The following DOCK10 variants were observed in gnomAD, a reference collection of about 807,000 sequenced individuals.
DOCK10 encodes the protein dedicator of cytokinesis 10, also known as dedicator of cytokinesis protein 10.
In DOCK10, 145 loss-of-function variants were observed where a neutral mutation model predicts 280.1. The observed-to-expected ratio is 0.52, with a 90% CI of 0.45 to 0.59. The LOEUF (loss-of-function observed/expected upper bound fraction) is 0.59, where lower values mean the gene tolerates loss of function less well. Among genes scored for constraint, DOCK10 ranks in the 20% least tolerant of loss-of-function variants. The pLI is 0.00. For missense variants in DOCK10, 2,368 were observed against 2,651.7 expected (o/e 0.89, Z 2.35); for synonymous variants, 915 against 942.2 (o/e 0.97, Z 0.53).
chr2:224,830,594 C>T lies in DOCK10; in HGVS notation c.2983G>A (p.Ala995Thr). 6.5e-7 allele frequency: 1 copy of T among 1,528,380 alleles called. No individual in the cohort carries two copies. Among genetic ancestry groups the T allele is most frequent in the Non-Finnish European group, 8.8e-7 (1 of 1,130,632 alleles). 94.7% of individuals were successfully genotyped at this position (1,528,380 alleles called of 1,614,324 possible). A position where few individuals can be genotyped will look rare whatever the true frequency, so the allele number is the denominator to read the frequency against. ...HVLKHSWFFF[A>T]IILKSMAQHL... ...TGTGCCATCGATTTTAGGATAATTG[C>T]AAAGAAGAACCAGGAATGCTGTTGG... Residue 995 changes from alanine to threonine, a missense_variant, in exon 27 of 56, where the codon GCA becomes ACA. Transcript: ENST00000258390.
rs774888257 is a variant in DOCK10, at chr2:224,874,717, C to G, written c.966G>C (p.Thr322=). The change falls in exon 9 of 56, where the codon ACG becomes ACC. Residue 322 remains threonine, a synonymous_variant. Coordinates refer to ENST00000258390, the MANE Select transcript of DOCK10 (RefSeq NM_014689.3). ...SLDNSVTCEC[T]PEETDSSENN... Reference sequence around the variant, plus strand: ...TCTCTGAAGAATCTGTTTCCTCTGGCGTGCATTCACAAGTTACAGAATTAT... The same window carrying G: ...TCTCTGAAGAATCTGTTTCCTCTGGGGTGCATTCACAAGTTACAGAATTAT... 1.2e-6 allele frequency: 2 copies of G among 1,613,906 alleles called. No homozygotes were observed. Among genetic ancestry groups the G allele is most frequent in the South Asian group, 1.1e-5 (1 of 91,084 alleles).
chr2:224,811,039 A>G (rs1367261896), intron 31 of DOCK10, among the ~76,000 whole-genome samples: 1 of 152,142 alleles, frequency 6.6e-6, no homozygotes, highest in African/African-American at 2.4e-5. Context: ...TTCTAGTTCG[A>G]GATCCCTGAG....
At chr2:224,929,528 C>T (rs907839182) in intron 2 of DOCK10, among the ~76,000 whole-genome samples, 3 of 152,070 alleles carry the variant, frequency 2.0e-5, no homozygotes, top group East Asian at 1.9e-4. Flanking sequence ...GACCACATCT[C>T]GAAGCAGGCA....
intron 1 of DOCK10, among the ~76,000 whole-genome samples, chr2:225,039,628 TC>T (rs1312258905): frequency 6.6e-6 from 1 of 152,180 alleles, no homozygotes; most frequent in African/African-American, 2.4e-5. Flanking sequence ...TTACCCTCAC[TC>T]AGCATCTCCT....
chr2:225,035,567 TATATA>T lies in DOCK10; in HGVS notation c.123+6680_123+6684del, dbSNP rs1460560701. Among the ~76,000 whole-genome samples, 56 of 53,692 alleles carry T rather than the reference TATATA, an allele frequency of 1.0e-3. 5 individuals carry two copies. Among genetic ancestry groups the T allele is most frequent in the East Asian group, 2.4e-3 (4 of 1,638 alleles). The allele number at this position is 53,692 out of a possible 152,430, so 35.2% of individuals were successfully genotyped here. Reference sequence around the variant, plus strand: ...TTATATATATATATATATATATATATATATATATATATATATATATAACACTGAAT... The same window carrying T: ...TTATATATATATATATATATATATATTATATATATATATATAACACTGAAT... On this transcript the variant is annotated intron_variant, in intron 1 of 55. Coordinates refer to ENST00000258390, the MANE Select transcript of DOCK10 (RefSeq NM_014689.3).
chr2:224,822,439 T>TA (rs950080742), intron 28 of DOCK10, among the ~76,000 whole-genome samples: 1 of 152,120 alleles, frequency 6.6e-6, no homozygotes, highest in Non-Finnish European at 1.5e-5. Flanking sequence ...TTCCATAATG[T>TA]AAAAAACAGC....
At chr2:225,017,705 C>CAAAAAAAAAAAAAAAAA (rs61170287) in intron 1 of DOCK10, among the ~76,000 whole-genome samples, 1 of 126,762 alleles carries the variant, frequency 7.9e-6, no homozygotes. Context: ...CCTACTGTTC[C>CAAAAAAAAAAAAAAAAA]AAAAAAAAAA....
intron 39 of DOCK10, among the ~76,000 whole-genome samples, chr2:224,802,305 A>G (rs1469688317): frequency 1.3e-5 from 2 of 152,170 alleles, no homozygotes; most frequent in African/African-American, 4.8e-5. Flanking sequence ...ATTCAAGCAT[A>G]TCATTATTAT....
chr2:224,795,683 A>G (rs1183403976), intron 44 of DOCK10, among the ~76,000 whole-genome samples: 1 of 152,240 alleles, frequency 6.6e-6, no homozygotes, highest in Non-Finnish European at 1.5e-5. Context: ...ACAGTGAGAG[A>G]GGCAAGATCG....
intron 51 of DOCK10, among the ~76,000 whole-genome samples, chr2:224,776,957 T>C (rs1447393564): frequency 2.0e-5 from 3 of 152,222 alleles, no homozygotes; most frequent in South Asian, 2.1e-4. Context: ...GGTGACACTT[T>C]ATTGTAATCT....
At chr2:224,936,003 T>C (rs1702669178) in intron 1 of DOCK10, among the ~76,000 whole-genome samples, 1 of 152,116 alleles carries the variant, frequency 6.6e-6, no homozygotes, top group African/African-American at 2.4e-5. Context: ...GGGAGAAAGG[T>C]AGGCTAGTGG....
chr2:224,949,325 G>A (rs1703603022), intron 1 of DOCK10, among the ~76,000 whole-genome samples: 1 of 152,176 alleles, frequency 6.6e-6, no homozygotes, highest in Non-Finnish European at 1.5e-5. Context: ...GTAATAAGGA[G>A]CAATCAGAGA....
chr2:225,034,250 C>A (rs546281883), intron 1 of DOCK10, among the ~76,000 whole-genome samples: 2 of 152,286 alleles, frequency 1.3e-5, no homozygotes, highest in African/African-American at 4.8e-5. Context: ...GCTGTGGAGT[C>A]AGACTATGTG....
chr2:224,820,968 C>T (rs887965853), intron 28 of DOCK10, among the ~76,000 whole-genome samples: 10 of 152,152 alleles, frequency 6.6e-5, no homozygotes, highest in Non-Finnish European at 2.9e-5. Context: ...TGGTATTGTG[C>T]TTCATAAAAA....
intron 1 of DOCK10, among the ~76,000 whole-genome samples, chr2:224,956,954 G>A (rs1301147015): frequency 1.3e-5 from 2 of 152,178 alleles, no homozygotes; most frequent in Non-Finnish European, 2.9e-5. Flanking sequence ...CACTGGCCAC[G>A]GCTGTGCTTG....
chr2:224,806,885 A>G (rs1458688824), intron 33 of DOCK10, among the ~76,000 whole-genome samples: 1 of 152,136 alleles, frequency 6.6e-6, no homozygotes, highest in African/African-American at 2.4e-5. Flanking sequence ...TGATGGGATT[A>G]GAGATGTGAG....
chr2:224,977,412 C>T (rs114185749), intron 1 of DOCK10, among the ~76,000 whole-genome samples: 1,733 of 152,242 alleles, frequency 0.011, 30 homozygotes, highest in African/African-American at 0.04. Context: ...AAAACATTCT[C>T]TTTCGGGGGA....
At chr2:224,899,227 A>G (rs1028310849) in intron 3 of DOCK10, among the ~76,000 whole-genome samples, 1 of 152,350 alleles carries the variant, frequency 6.6e-6, no homozygotes. Flanking sequence ...ACTTCATAAC[A>G]TATTCTATAG....
chr2:224,882,049 C>T (rs1340155702), intron 7 of DOCK10, among the ~76,000 whole-genome samples: 1 of 152,166 alleles, frequency 6.6e-6, no homozygotes, highest in Non-Finnish European at 1.5e-5. Context: ...GGAAATGAGC[C>T]TTGTCCACCA....
Sources: gnomAD v4.1 joint callset for allele counts (sites outside exome capture counted in the v4.1 genomes callset) on GRCh38, gnomAD v4.1.1 for gene constraint, MANE v1.5 for transcripts, NCBI Gene and HGNC (gene_info 2026-07-23, HGNC 2026-07-21) for gene names.